The following SPI1 variants were observed in gnomAD, a reference collection of about 807,000 sequenced individuals.
The protein encoded by SPI1 is Spi-1 proto-oncogene.
Under a neutral mutation model 30.7 loss-of-function variants are expected in SPI1, and 3 were observed. That is an observed-to-expected ratio of 0.10 (90% CI 0.04 to 0.25). SPI1 has a LOEUF of 0.25. Among genes scored for constraint, SPI1 ranks in the 10% least tolerant of loss-of-function variants. The probability of loss-of-function intolerance (pLI) is 1.00; values close to 1 mark genes in which losing one functional copy is unlikely to be tolerated. For missense variants in SPI1, 261 were observed against 371.5 expected (o/e 0.70, Z 2.45); for synonymous variants, 169 against 157.1 (o/e 1.08, Z -0.56).
chr11:47,362,252 T>A (rs1019579274), intron 2 of SPI1, among the ~76,000 whole-genome samples: 7 of 152,098 alleles, frequency 4.6e-5, no homozygotes, highest in Non-Finnish European at 5.9e-5. Flanking sequence ...ATCATTATTA[T>A]TAATAATAAT....
chr11:47,357,859 C>T (rs113123267), intron 4 of SPI1, among the ~76,000 whole-genome samples: 2,050 of 152,166 alleles, frequency 0.013, 53 homozygotes, highest in African/African-American at 0.047. Context: ...GCCACCACGC[C>T]CGGCCCACTC....
In SPI1 at chr11:47,378,509, T is replaced by C; in HGVS notation, c.-156A>G. 1 of 688,468 alleles carries C rather than the reference T, an allele frequency of 1.5e-6. No individual in the cohort carries two copies. Among genetic ancestry groups the C allele is most frequent in the Non-Finnish European group, 2.5e-6 (1 of 407,536 alleles). The allele number at this position is 688,468 out of a possible 1,614,324, so 42.6% of individuals were successfully genotyped here. On this transcript the variant is annotated 5_prime_UTR_variant, in exon 1 of 5. Coordinates refer to ENST00000378538, the MANE Select transcript of SPI1 (RefSeq NM_003120.3). ...CTACAGGAGCCCTGGGTGAGCCCCC[T>C]CCCTTGACATTGCAGGGCCAGCACA... is the stretch of plus-strand genomic sequence containing the variant.
Position 47,378,343 on chromosome 11 carries a change from G to T in SPI1, c.11C>A (p.Ala4Glu), listed in dbSNP as rs1273802112. The T allele has an allele frequency of 3.7e-6, 6 of 1,613,458 alleles. No homozygotes were observed. In the African/African-American group the frequency reaches 8.0e-5, roughly 22 times the overall value. MLQ[A>E]CKMEGFPLVP... The stretch of plus-strand genomic sequence containing the variant: ...GAGGGGAAACCCTTCCATTTTGCAC[G>T]CCTGTAACATCCAGCCGGGCTCCGA... The change falls in exon 1 of 5, where the codon GCG becomes GAG. Residue 4 changes from alanine to glutamate, a missense_variant. Around this residue, in one of 5 missense-constraint regions of SPI1, gnomAD observed 78 missense variants for 93.2 expected, o/e 0.84. Transcript: ENST00000378538.
At chr11:47,365,260 C>G (rs2095926633) in intron 2 of SPI1, among the ~76,000 whole-genome samples, 2 of 152,152 alleles carry the variant, frequency 1.3e-5, no homozygotes, top group Non-Finnish European at 2.9e-5. Flanking sequence ...TAGCATGACT[C>G]TCAGCTCCTC....
At chr11:47,366,893 CT>C (rs2095929120) in intron 2 of SPI1, among the ~76,000 whole-genome samples, 1 of 151,960 alleles carries the variant, frequency 6.6e-6, no homozygotes, top group African/African-American at 2.4e-5. Context: ...TTTCGGGGCA[CT>C]TGTTACTCTC....
intron 1 of SPI1, 96 bp downstream of exon 1, chr11:47,378,213 G>T: frequency 7.5e-7 from 1 of 1,335,312 alleles, no homozygotes; most frequent in Non-Finnish European, 1.1e-6. Flanking sequence ...CTGATAGCAA[G>T]CCAGGAGGGC....
Position 47,375,823 on chromosome 11 carries a change from C to T in SPI1, c.46-94G>A, listed in dbSNP as rs1285960910. ...GCACGCTGGGTCCCCATCACCTTCCCTGGCTCAGTGGCTGCGTTGGACCTA... is the reference window on the plus strand; with the variant it reads ...GCACGCTGGGTCCCCATCACCTTCCTTGGCTCAGTGGCTGCGTTGGACCTA... On this transcript the variant is annotated intron_variant, in intron 1 of 4. Transcript: ENST00000378538. The surrounding 1 kb of genome is among the most constrained non-coding windows in gnomAD (Gnocchi z 4.2). The T allele has an allele frequency of 2.7e-5, 27 of 987,440 alleles. No homozygotes were observed. The Admixed American group carries it at 4.7e-4, about 17-fold the overall frequency. The allele number at this position is 987,440 out of a possible 1,614,324, so 61.2% of individuals were successfully genotyped here. A position where few individuals can be genotyped will look rare whatever the true frequency, so the allele number is the denominator to read the frequency against.
chr11:47,364,240 C>T (rs1036914543), intron 2 of SPI1, among the ~76,000 whole-genome samples: 5 of 151,750 alleles, frequency 3.3e-5, no homozygotes, highest in Admixed American at 6.6e-5. Context: ...TTAGTAGAGA[C>T]GGGTTTTCAC....
At chr11:47,357,458 C>T (rs912064929) in intron 4 of SPI1, among the ~76,000 whole-genome samples, 11 of 152,054 alleles carry the variant, frequency 7.2e-5, no homozygotes, top group Admixed American at 3.9e-4. Context: ...ACCACTCAGA[C>T]ACCTACTTGC....
intron 4 of SPI1, among the ~76,000 whole-genome samples, chr11:47,356,589 G>C (rs2095910017): frequency 6.7e-6 from 1 of 148,314 alleles, no homozygotes; most frequent in South Asian, 2.2e-4. Context: ...CCTCACACCA[G>C]GTCTCATAAT....
rs58549958 is a variant in SPI1 at position 47,357,161 on chromosome 11, CAT to C, written c.494-1617_494-1616del. ...ATGCTCACACCTCATACCTCACACACATGCTCACATCTCACACCCACTCACAC... is the reference window on the plus strand; with the variant it reads ...ATGCTCACACCTCATACCTCACACACGCTCACATCTCACACCCACTCACAC... On this transcript the variant is annotated intron_variant, in intron 4 of 4. Transcript: ENST00000378538. 2.1e-3 allele frequency among the ~76,000 whole-genome samples: 312 copies of C among 151,146 alleles called. 2 individuals are homozygous for C. The highest frequency in any genetic ancestry group is 6.9e-3 in the African/African-American group (283 of 41,124).
Position 47,358,455 on chromosome 11 carries a change from C to A in SPI1, c.493+389G>T, listed in dbSNP as rs995920594. ...GTGTTGACAGACACACAAACATGGC[C>A]ACACCCACTCTCAGCCACACCAGCT... On this transcript the variant is annotated intron_variant, in intron 4 of 4. Coordinates refer to ENST00000378538, the MANE Select transcript of SPI1 (RefSeq NM_003120.3). The A allele has an allele frequency of 6.2e-6, 4 of 640,254 alleles. No individual in the cohort carries two copies. The African/African-American group carries it at 7.1e-5, about 11-fold the overall frequency. The allele number at this position is 640,254 out of a possible 1,614,324, so 39.7% of individuals were successfully genotyped here.
intron 2 of SPI1, among the ~76,000 whole-genome samples, chr11:47,364,206 C>G (rs1455807534): frequency 2.0e-5 from 3 of 151,624 alleles, no homozygotes; most frequent in African/African-American, 7.3e-5. Flanking sequence ...CCTGCCACCA[C>G]GCCCGGCTAA....
chr11:47,355,913 C>A (rs889984424), intron 4 of SPI1, among the ~76,000 whole-genome samples: 7 of 150,240 alleles, frequency 4.7e-5, no homozygotes, highest in African/African-American at 1.7e-4. Context: ...GCTCACACAA[C>A]GCACCTTCTC....
intron 2 of SPI1, among the ~76,000 whole-genome samples, chr11:47,372,775 C>T (rs2095937608): frequency 6.6e-6 from 1 of 152,118 alleles, no homozygotes. Flanking sequence ...CGTTACCTTA[C>T]CTCAGAGATT....
chr11:47,368,516 G>A (rs2095931512), intron 2 of SPI1, among the ~76,000 whole-genome samples: 1 of 152,200 alleles, frequency 6.6e-6, no homozygotes, highest in African/African-American at 2.4e-5. Context: ...GTGTCGGACG[G>A]CTGGATACGC....
chr11:47,361,737 C>G (rs912374999), intron 2 of SPI1, among the ~76,000 whole-genome samples: 1 of 152,164 alleles, frequency 6.6e-6, no homozygotes, highest in Admixed American at 6.5e-5. Flanking sequence ...ATCTCTCTTT[C>G]TCTCTCACAC....
intron 2 of SPI1, among the ~76,000 whole-genome samples, chr11:47,367,090 G>A (rs898618182): frequency 6.6e-6 from 1 of 152,192 alleles, no homozygotes; most frequent in Non-Finnish European, 1.5e-5. Flanking sequence ...TAGAGGGAAG[G>A]ATAGTTGGAA....
At chr11:47,376,319 C>T (rs1424078764) in intron 1 of SPI1, among the ~76,000 whole-genome samples, 1 of 152,032 alleles carries the variant, frequency 6.6e-6, no homozygotes, top group Non-Finnish European at 1.5e-5. Context: ...ACCCCCAGAG[C>T]CACTCACATT....
Sources: allele counts gnomAD v4.1 joint callset (sites outside exome capture counted in the v4.1 genomes callset), GRCh38; gene constraint gnomAD v4.1.1; regional missense constraint gnomAD v4.1.1; non-coding constraint Gnocchi (gnomAD v3.1); transcripts MANE v1.5; gene names NCBI Gene and HGNC (gene_info 2026-07-23, HGNC 2026-07-21).